NKAIN2: variants seen among roughly 807,000 people sequenced by gnomAD.
NKAIN2 encodes the protein sodium/potassium-transporting ATPase subunit beta-1-interacting protein 2.
Under a neutral mutation model 32.6 loss-of-function variants are expected in NKAIN2, and 14 were observed. The observed-to-expected ratio is 0.43, with a 90% CI of 0.28 to 0.67. The LOEUF (loss-of-function observed/expected upper bound fraction) is 0.67. Among genes scored for constraint, NKAIN2 ranks in the 30% least tolerant of loss-of-function variants. The pLI, the probability that NKAIN2 is intolerant of heterozygous loss-of-function variation, is 0.17. For missense variants in NKAIN2, 198 were observed against 258.3 expected (o/e 0.77, Z 1.60); for synonymous variants, 80 against 87.2 (o/e 0.92, Z 0.46).
intron 1 of NKAIN2, among the ~76,000 whole-genome samples, chr6:124,124,756 T>C (rs1786077346): frequency 1.3e-5 from 2 of 152,212 alleles, no homozygotes; most frequent in South Asian, 4.1e-4. Flanking sequence ...TTCTCCTGAA[T>C]CAAGATATGC....
intron 3 of NKAIN2, among the ~76,000 whole-genome samples, chr6:124,431,027 A>T (rs2114564388): frequency 6.6e-6 from 1 of 152,344 alleles, no homozygotes; most frequent in African/African-American, 2.4e-5. Flanking sequence ...TTATTGAGTG[A>T]AAATGGCAAT....
intron 4 of NKAIN2, among the ~76,000 whole-genome samples, chr6:124,716,061 A>C (rs1775736518): frequency 6.6e-6 from 1 of 152,240 alleles, no homozygotes; most frequent in Admixed American, 6.5e-5. Flanking sequence ...CCAGAGATTT[A>C]AAGTCTATTG....
intron 3 of NKAIN2, among the ~76,000 whole-genome samples, chr6:124,491,519 C>T (rs953986324): frequency 1.1e-4 from 16 of 151,690 alleles, no homozygotes; most frequent in South Asian, 2.1e-4. Context: ...TAAAAATGAA[C>T]GCAACATTTT....
chr6:123,846,929 G>A (rs1313277999), intron 1 of NKAIN2, among the ~76,000 whole-genome samples: 1 of 152,114 alleles, frequency 6.6e-6, no homozygotes, highest in African/African-American at 2.4e-5. Context: ...CTGTACTGGA[G>A]ATGGAGATAA....
rs191609589 is a variant in NKAIN2 at position 124,662,001 on chromosome 6, T to C, written c.474+3615T>C. The stretch of plus-strand genomic sequence containing the variant: ...GAGGGCAGCAGAATAGGTTAAAAGC[T>C]CTTCCTAAGATATTTTAGCTAATAA... On this transcript the variant is annotated intron_variant, in intron 4 of 6. Transcript: ENST00000368417. Among the ~76,000 whole-genome samples the C allele has an allele frequency of 1.6e-4, 24 of 152,332 alleles. No homozygotes were observed. In the East Asian group the frequency reaches 4.1e-3, roughly 26 times the overall value.
At chr6:124,354,076 C>T (rs1382073968) in intron 2 of NKAIN2, among the ~76,000 whole-genome samples, 1 of 152,180 alleles carries the variant, frequency 6.6e-6, no homozygotes, top group Non-Finnish European at 1.5e-5. Flanking sequence ...GCCCTTCCAA[C>T]CCCGCATGCT....
intron 1 of NKAIN2, among the ~76,000 whole-genome samples, chr6:124,082,483 G>T (rs953983955): frequency 1.3e-5 from 2 of 151,780 alleles, no homozygotes; most frequent in Non-Finnish European, 2.9e-5. Flanking sequence ...TGAACCCATG[G>T]TCTTTTGATT....
intron 1 of NKAIN2, among the ~76,000 whole-genome samples, chr6:124,036,181 C>T (rs1369385941): frequency 1.3e-5 from 2 of 152,048 alleles, no homozygotes; most frequent in African/African-American, 4.8e-5. Flanking sequence ...GGACTTTTCT[C>T]CACGCCAGAT....
chr6:124,021,358 T>G (rs1780857424), intron 1 of NKAIN2, among the ~76,000 whole-genome samples: 3 of 152,210 alleles, frequency 2.0e-5, no homozygotes, highest in South Asian at 2.1e-4. Context: ...GACATTTCTC[T>G]TATATTAACT....
chr6:124,805,741 A>G (rs1015071448), intron 5 of NKAIN2, among the ~76,000 whole-genome samples: 6 of 151,764 alleles, frequency 4.0e-5, no homozygotes, highest in African/African-American at 1.4e-4. Context: ...AAAACATTGA[A>G]AAAAATTTAG....
At chr6:124,782,354 T>G (rs759176036) in intron 4 of NKAIN2, among the ~76,000 whole-genome samples, 44 of 152,326 alleles carry the variant, frequency 2.9e-4, no homozygotes, top group Admixed American at 5.2e-4. Flanking sequence ...CACACTTTCC[T>G]TATCTTCCAA....
At chr6:124,063,232 G>A (rs1488929208) in intron 1 of NKAIN2, among the ~76,000 whole-genome samples, 1 of 151,620 alleles carries the variant, frequency 6.6e-6, no homozygotes, top group Non-Finnish European at 1.5e-5. Context: ...TTCTCATTAT[G>A]GAAAAAAATT....
intron 1 of NKAIN2, among the ~76,000 whole-genome samples, chr6:123,870,027 T>C (rs1304162518): frequency 6.6e-6 from 1 of 152,170 alleles, no homozygotes; most frequent in African/African-American, 2.4e-5. Flanking sequence ...GTTGGGAATG[T>C]AACATGGTGG....
chr6:123,963,675 A>AAAAGAAAGC (rs1777950945), intron 1 of NKAIN2, among the ~76,000 whole-genome samples: 1 of 152,236 alleles, frequency 6.6e-6, no homozygotes, highest in East Asian at 1.9e-4. Flanking sequence ...CAGAAAGCGT[A>AAAAGAAAGC]AAAGAAAGCA....
At chr6:124,648,316 C>G (rs1385035675) in intron 3 of NKAIN2, among the ~76,000 whole-genome samples, 1 of 152,188 alleles carries the variant, frequency 6.6e-6, no homozygotes, top group African/African-American at 2.4e-5. Context: ...TTCACAATTA[C>G]ATTTCAAAGG....
chr6:124,687,451 A>G (rs1196310187), intron 4 of NKAIN2, among the ~76,000 whole-genome samples: 11 of 145,534 alleles, frequency 7.6e-5, no homozygotes, highest in African/African-American at 2.8e-4. Flanking sequence ...TACATGGTAT[A>G]TATTCCATAT....
intron 1 of NKAIN2, among the ~76,000 whole-genome samples, chr6:123,834,746 C>A (rs113948059): frequency 0.013 from 1,979 of 152,140 alleles, 43 homozygotes; most frequent in African/African-American, 0.045. Flanking sequence ...CCCCACTATA[C>A]CTAGTTTACT....
At chr6:124,181,097 A>G (rs985760063) in intron 1 of NKAIN2, among the ~76,000 whole-genome samples, 6 of 152,164 alleles carry the variant, frequency 3.9e-5, no homozygotes, top group African/African-American at 9.6e-5. Flanking sequence ...CCAAACCTCA[A>G]TTCTTGACTT....
chr6:124,695,077 A>T (rs549114814), intron 4 of NKAIN2, among the ~76,000 whole-genome samples: 13 of 151,220 alleles, frequency 8.6e-5, no homozygotes, highest in Non-Finnish European at 1.9e-4. Context: ...GTGTTTTTTC[A>T]GTAGTGCATG....
Sources: gnomAD v4.1 joint callset for allele counts (sites outside exome capture counted in the v4.1 genomes callset) on GRCh38, gnomAD v4.1.1 for gene constraint, MANE v1.5 for transcripts, NCBI Gene and HGNC (gene_info 2026-07-23, HGNC 2026-07-21) for gene names.